Variants in MOSMO observed in about 807,000 individuals in gnomAD.
MOSMO encodes the protein modulator of smoothened, also known as modulator of smoothened protein.
A neutral mutation model predicts 18.4 loss-of-function variants in MOSMO; 5 were observed. The ratio of observed to expected loss-of-function variants is 0.27; its 90% confidence interval spans 0.14 to 0.57. The LOEUF is 0.57. Among genes scored for constraint, MOSMO ranks in the 20% least tolerant of loss-of-function variants. MOSMO has a pLI of 0.92. For missense variants in MOSMO, 138 were observed against 211.8 expected, an observed-to-expected ratio of 0.65 and a Z score of 2.16; for synonymous variants, 82 against 82.3, an observed-to-expected ratio of 1.00 and a Z score of 0.02.
chr16:22,025,144 C>T (rs1442030249), intron 1 of MOSMO, among the ~76,000 whole-genome samples: 2 of 149,716 alleles, frequency 1.3e-5, no homozygotes, highest in Non-Finnish European at 3.0e-5. Context: ...TGGAACAAGA[C>T]TCTGTCTAAA....
chr16:22,085,153 T>G (rs1264018317), downstream of MOSMO: 3 of 152,202 alleles, frequency 2.0e-5, no homozygotes, highest in Admixed American at 6.5e-5. Flanking sequence ...ACTATAGCTC[T>G]CTCTGGGGGT....
intron 1 of MOSMO, among the ~76,000 whole-genome samples, chr16:22,074,589 A>G (rs1190723783): frequency 1.3e-5 from 2 of 152,242 alleles, no homozygotes; most frequent in East Asian, 3.8e-4. Flanking sequence ...TTGGGGAAGA[A>G]GATCAAATAA....
Position 22,082,821 on chromosome 16 carries a change from A to G in MOSMO, c.*1941A>G, listed in dbSNP as rs1248479607. ...GAGAGATGGACCACCACTGTGGTGC[A>G]TTTCTTAAGTGTTCTGGGAGAATGT... On this transcript the variant is annotated 3_prime_UTR_variant, in exon 3 of 3. Coordinates refer to ENST00000542527, the MANE Select transcript of MOSMO (RefSeq NM_001164579.2). 1 of 152,210 alleles carries G rather than the reference A, an allele frequency of 6.6e-6. No homozygotes were observed. The highest frequency in any genetic ancestry group is 1.5e-5 in the Non-Finnish European group (1 of 68,024). The allele number at this position is 152,210 out of a possible 1,614,324, so 9.4% of individuals were successfully genotyped here.
At chr16:22,020,440 A>G (rs1366777916) in intron 1 of MOSMO, among the ~76,000 whole-genome samples, 5 of 151,212 alleles carry the variant, frequency 3.3e-5, no homozygotes, top group Admixed American at 3.3e-4. Flanking sequence ...GATTACAGGC[A>G]TGCGCCACCA....
At chr16:22,045,220 A>G (rs1017259801) in intron 1 of MOSMO, among the ~76,000 whole-genome samples, 1 of 151,856 alleles carries the variant, frequency 6.6e-6, no homozygotes, top group Non-Finnish European at 1.5e-5. Flanking sequence ...AACTAGGTGA[A>G]AGGAGAGATT....
intron 1 of MOSMO, among the ~76,000 whole-genome samples, chr16:22,014,458 T>A (rs1899598360): frequency 6.6e-6 from 1 of 152,158 alleles, no homozygotes; most frequent in Non-Finnish European, 1.5e-5. Context: ...GTGAGGGGTA[T>A]CATTTCCTAT....
chr16:22,087,494 G>A (rs994519135), downstream of MOSMO: 1 of 151,986 alleles, frequency 6.6e-6, no homozygotes, highest in African/African-American at 2.4e-5. Flanking sequence ...ATTGTCTAAG[G>A]CAATTCAAGT....
downstream of MOSMO, among the ~76,000 whole-genome samples, chr16:22,088,240 C>A (rs556124976): frequency 6.6e-6 from 1 of 152,166 alleles, no homozygotes; most frequent in East Asian, 1.9e-4. Flanking sequence ...GTATGTTGAC[C>A]AGGGTCGTCT....
chr16:22,018,352 T>C lies in MOSMO; in HGVS notation c.106+9945T>C, dbSNP rs150533881. Among the ~76,000 whole-genome samples, 44 of 152,296 alleles carry C rather than the reference T, an allele frequency of 2.9e-4. No individual in the cohort carries two copies. The East Asian group carries it at 7.7e-3, about 27-fold the overall frequency. The stretch of plus-strand genomic sequence containing the variant: ...TGGTTGGGTCCAATTTCAGCCATAA[T>C]AATAGAAGTTCTTTTCAAAAATAGG... On this transcript the variant is annotated intron_variant, in intron 1 of 2. Coordinates refer to ENST00000542527, the MANE Select transcript of MOSMO (RefSeq NM_001164579.2).
At chr16:22,047,611 T>A (rs1296295585) in intron 1 of MOSMO, among the ~76,000 whole-genome samples, 2 of 152,156 alleles carry the variant, frequency 1.3e-5, no homozygotes, top group Non-Finnish European at 2.9e-5. Context: ...TAAGTAATAG[T>A]GCGGTGAACA....
rs959204475 is a variant in MOSMO, at chr16:22,048,752, G to C, written c.107-26735G>C. 3.9e-5 allele frequency among the ~76,000 whole-genome samples: 6 copies of C among 151,912 alleles called. No homozygotes were observed. In the South Asian group the frequency reaches 1.0e-3, roughly 26 times the overall value. ...TGACAAAGATGTTTAAAATTTTGTG[G>C]ATCAGTTTTTTTCTTTATGGGTTCA... On this transcript the variant is annotated intron_variant, in intron 1 of 2. Transcript: ENST00000542527.
downstream of MOSMO, among the ~76,000 whole-genome samples, chr16:22,084,843 T>G (rs942466328): frequency 1.3e-5 from 2 of 152,134 alleles, no homozygotes; most frequent in African/African-American, 4.8e-5. Flanking sequence ...GAGATGCCAT[T>G]AATATTCCAG....
chr16:22,056,462 C>T (rs1900538375), intron 1 of MOSMO, among the ~76,000 whole-genome samples: 1 of 150,044 alleles, frequency 6.7e-6, no homozygotes, highest in African/African-American at 2.4e-5. Flanking sequence ...ACCTCCGCCT[C>T]CCAGGTCAAG....
chr16:22,084,290 T>A lies in MOSMO; in HGVS notation c.*3410T>A, dbSNP rs1901132938. Reference sequence around the variant, plus strand: ...AGTTACTCTGATTATAGTAACTGTTTTATCAACCCACTTCATCTTTAAAAA... The same window carrying A: ...AGTTACTCTGATTATAGTAACTGTTATATCAACCCACTTCATCTTTAAAAA... On this transcript the variant is annotated 3_prime_UTR_variant, in exon 3 of 3. Coordinates refer to ENST00000542527, the MANE Select transcript of MOSMO (RefSeq NM_001164579.2). The A allele has an allele frequency of 6.6e-6, 1 of 152,238 alleles. No individual in the cohort carries two copies. The highest frequency in any genetic ancestry group is 1.9e-4 in the East Asian group (1 of 5,206). The allele number at this position is 152,238 out of a possible 1,614,324, so 9.4% of individuals were successfully genotyped here.
intron 1 of MOSMO, among the ~76,000 whole-genome samples, chr16:22,048,765 C>T (rs926788642): frequency 4.6e-5 from 7 of 151,712 alleles, no homozygotes; most frequent in Non-Finnish European, 1.0e-4. Context: ...CAGTTTTTTT[C>T]TTTATGGGTT....
intron 1 of MOSMO, among the ~76,000 whole-genome samples, chr16:22,012,739 GA>G (rs5816166): frequency 0.24 from 16,297 of 67,108 alleles, 999 homozygotes; most frequent in South Asian, 0.39. Context: ...AGAAGGAATA[GA>G]AAAAAAAAAA....
chr16:22,016,921 G>C (rs963687257), intron 1 of MOSMO, among the ~76,000 whole-genome samples: 8 of 152,204 alleles, frequency 5.3e-5, no homozygotes, highest in African/African-American at 1.9e-4. Context: ...AGGAATTTAA[G>C]AGCTGGTAGT....
chr16:22,010,933 GA>G (rs568258058), intron 1 of MOSMO, among the ~76,000 whole-genome samples: 1,136 of 83,920 alleles, frequency 0.014, 9 homozygotes, highest in South Asian at 0.048. Context: ...AAAGAAAACA[GA>G]AAAAAAAAAA....
intron 1 of MOSMO, among the ~76,000 whole-genome samples, chr16:22,053,383 G>A (rs993836254): frequency 6.6e-6 from 1 of 151,980 alleles, no homozygotes; most frequent in African/African-American, 2.4e-5. Flanking sequence ...AATAAGTTTT[G>A]GAAAGTAGGT....
Sources: allele counts gnomAD v4.1 joint callset (sites outside exome capture counted in the v4.1 genomes callset), GRCh38; gene constraint gnomAD v4.1.1; transcripts MANE v1.5; gene names NCBI Gene and HGNC (gene_info 2026-07-23, HGNC 2026-07-21).